The following TLE1 variants were observed in gnomAD, a reference collection of about 807,000 sequenced individuals.
TLE1 encodes TLE family member 1, transcriptional corepressor, also known as transducin-like enhancer protein 1.
A neutral mutation model predicts 89.8 loss-of-function variants in TLE1; 21 were observed. The ratio of observed to expected loss-of-function variants is 0.23; its 90% CI spans 0.17 to 0.34. TLE1 has a LOEUF of 0.34. Ranked by LOEUF, TLE1 falls within the 10% of genes least tolerant of loss-of-function variation. TLE1 has a pLI of 1.00. For missense variants in TLE1, 795 were observed against 1,031.2 expected (o/e 0.77, Z 3.14); for synonymous variants, 447 against 407.6 (o/e 1.10, Z -1.16).
intron 14 of TLE1, among the ~76,000 whole-genome samples, chr9:81,600,645 A>G (rs1039538003): frequency 1.4e-5 from 2 of 141,790 alleles, no homozygotes; most frequent in Admixed American, 7.0e-5. Flanking sequence ...AAAAAAAAAA[A>G]CCTACCCAAA....
chr9:81,657,608 A>T (rs563545275), intron 4 of TLE1, among the ~76,000 whole-genome samples: 1 of 152,296 alleles, frequency 6.6e-6, no homozygotes, highest in African/African-American at 2.4e-5. Context: ...AGTTATCAAA[A>T]ATAAAATAAA....
intron 4 of TLE1, among the ~76,000 whole-genome samples, chr9:81,655,192 C>A (rs778338864): frequency 2.0e-5 from 3 of 151,866 alleles, no homozygotes; most frequent in Non-Finnish European, 2.9e-5. Flanking sequence ...GGTGAAACCC[C>A]GTCTCTACTC....
In TLE1 at chr9:81,670,419, G is replaced by A. The variant is rs1231631435; in HGVS notation, c.234+15257C>T. Among the ~76,000 whole-genome samples, 9 of 152,082 alleles carry A rather than the reference G, an allele frequency of 5.9e-5. No individual in the cohort carries two copies. The East Asian group carries it at 9.7e-4, about 16-fold the overall frequency. On this transcript the variant is annotated intron_variant, in intron 4 of 19. Coordinates refer to ENST00000376499, the MANE Select transcript of TLE1 (RefSeq NM_005077.5). ...TGGCTCACTGCAACCTCCGCCTCCC[G>A]GGCTCAAGTGATTCTTCTGCCTCAG...
intron 6 of TLE1, among the ~76,000 whole-genome samples, chr9:81,636,397 C>T (rs982047854): frequency 3.7e-5 from 5 of 133,446 alleles, no homozygotes; most frequent in Non-Finnish European, 7.6e-5. Flanking sequence ...GACTGCCCTA[C>T]CAGCAATTAC....
At chr9:81,652,122 C>CAT in intron 6 of TLE1, 92 bp downstream of exon 6, 1 of 1,249,566 alleles carries the variant, frequency 8.0e-7, no homozygotes. Flanking sequence ...CACACACACA[C>CAT]ACACACACAC....
Position 81,611,840 on chromosome 9 carries a change from G to A in TLE1, c.1183C>T (p.His395Tyr). ...TSPGAAYASL[H>Y]NMSPQMSAAA... Reference sequence around the variant, plus strand: ...GCGCTCATCTGGGGCGACATGTTGTGTAAACTGGCGTAGGCAGCGCCTGGG... The same window carrying A: ...GCGCTCATCTGGGGCGACATGTTGTATAAACTGGCGTAGGCAGCGCCTGGG... Residue 395 changes from histidine to tyrosine, a missense_variant, in exon 13 of 20, where the codon CAC becomes TAC. Physicochemically the swap from His to Tyr is moderately conservative, Grantham distance 83. This residue lies in a region of TLE1 where 468 missense variants were observed against 509.1 expected (regional missense o/e 0.92). Coordinates refer to ENST00000376499, the MANE Select transcript of TLE1 (RefSeq NM_005077.5). 6.4e-7 allele frequency: 1 copy of A among 1,561,476 alleles called. No individual in the cohort carries two copies.
intron 14 of TLE1, among the ~76,000 whole-genome samples, chr9:81,596,699 C>T (rs554957220): frequency 3.5e-4 from 53 of 152,224 alleles, no homozygotes; most frequent in Admixed American, 1.6e-3. Flanking sequence ...TGGAAATGAC[C>T]GCATTTCTAG....
Position 81,615,519 on chromosome 9 carries a change from C to G in TLE1, c.918+463G>C, listed in dbSNP as rs1324948526. Among the ~76,000 whole-genome samples the G allele has an allele frequency of 5.3e-5, 6 of 113,758 alleles. No individual in the cohort carries two copies. In the Admixed American group the frequency reaches 5.9e-4, roughly 11 times the overall value. 74.6% of individuals were successfully genotyped at this position (113,758 alleles called of 152,430 possible). The stretch of plus-strand genomic sequence containing the variant: ...TTCAAGACCAGCCTGACAAACATGG[C>G]AAAACCCCATCTCTACTAAAAATAC... On this transcript the variant is annotated intron_variant, in intron 11 of 19. Transcript: ENST00000376499.
chr9:81,602,094 G>A (rs1249356165), intron 14 of TLE1, among the ~76,000 whole-genome samples: 1 of 152,160 alleles, frequency 6.6e-6, no homozygotes, highest in Non-Finnish European at 1.5e-5. Context: ...TCATGAAGGA[G>A]GTAGCAACTC....
chr9:81,612,824 G>A (rs1425802793), intron 12 of TLE1, among the ~76,000 whole-genome samples: 2 of 152,196 alleles, frequency 1.3e-5, no homozygotes, highest in South Asian at 4.1e-4. Context: ...TTGGGAGGCC[G>A]AGATGGGCAG....
At chr9:81,656,391 C>T (rs551400796) in intron 4 of TLE1, among the ~76,000 whole-genome samples, 1 of 152,356 alleles carries the variant, frequency 6.6e-6, no homozygotes, top group African/African-American at 2.4e-5. Context: ...ATTCCTGCAA[C>T]ACTCTGTACA....
Position 81,659,964 on chromosome 9 carries a change from A to G in TLE1, c.235-5928T>C, listed in dbSNP as rs139215768. On this transcript the variant is annotated intron_variant, in intron 4 of 19. Coordinates refer to ENST00000376499, the MANE Select transcript of TLE1 (RefSeq NM_005077.5). ...AAGCTGCCTTTCCCCCATAACGCCAATAAACGCACTCTTCTCTAGGCCCTT... is the reference window on the plus strand; with the variant it reads ...AAGCTGCCTTTCCCCCATAACGCCAGTAAACGCACTCTTCTCTAGGCCCTT... 2.1e-3 allele frequency among the ~76,000 whole-genome samples: 322 copies of G among 152,248 alleles called. 1 individual carries two copies. The highest frequency in any genetic ancestry group is 7.3e-3 in the Admixed American group (112 of 15,280).
chr9:81,639,588 G>GTTTTTTTTTTTTT (rs374444332), intron 6 of TLE1, among the ~76,000 whole-genome samples: 1 of 123,458 alleles, frequency 8.1e-6, no homozygotes, highest in Non-Finnish European at 1.7e-5. Context: ...TTTTTTTTTT[G>GTTTTTTTTTTTTT]TTTTTTTTTT....
At position 81,685,727 on chromosome 9, in the gene TLE1, A is replaced by G. The variant is rs774762475; in HGVS notation, c.190-7T>C. The G allele has an allele frequency of 5.6e-6, 9 of 1,613,248 alleles. No individual in the cohort carries two copies. In the African/African-American group the frequency reaches 1.1e-4, roughly 19 times the overall value. On this transcript the variant is annotated splice_region_variant and splice_polypyrimidine_tract_variant and intron_variant, in intron 3 of 19. Coordinates refer to ENST00000376499, the MANE Select transcript of TLE1 (RefSeq NM_005077.5). ...CATATGACATTTCATAATACTGTAA[A>G]GAGAAAAAAGAATCAAGCATTTCAT...
intron 15 of TLE1, among the ~76,000 whole-genome samples, chr9:81,592,166 G>A (rs933157715): frequency 6.6e-6 from 1 of 152,188 alleles, no homozygotes; most frequent in African/African-American, 2.4e-5. Context: ...AGACCATTCT[G>A]GCTAACATGG....
At chr9:81,637,582 C>T (rs1055492579) in intron 6 of TLE1, among the ~76,000 whole-genome samples, 7 of 151,920 alleles carry the variant, frequency 4.6e-5, no homozygotes, top group Middle Eastern at 3.4e-3. Flanking sequence ...ACAAACAGCT[C>T]ACTGTCTGTT....
At chr9:81,607,165 C>T (rs1412496054) in intron 14 of TLE1, among the ~76,000 whole-genome samples, 15 of 152,086 alleles carry the variant, frequency 9.9e-5, no homozygotes, top group Admixed American at 7.9e-4. Flanking sequence ...AAAAGTACCC[C>T]GACATAGTAT....
intron 6 of TLE1, among the ~76,000 whole-genome samples, chr9:81,650,502 CTACAAG>C (rs1315058519): frequency 6.6e-6 from 1 of 152,192 alleles, no homozygotes; most frequent in Non-Finnish European, 1.5e-5. Context: ...TGTGCTTGAG[CTACAAG>C]TACAATTCAC....
chr9:81,688,122 C>CCGCCGGGCTCT, intron 1 of TLE1, 95 bp downstream of exon 1: 1 of 1,508,118 alleles, frequency 6.6e-7, no homozygotes, highest in Non-Finnish European at 9.1e-7. Context: ...GCGAGAAGGT[C>CCGCCGGGCTCT]CGCCGGGCCT....
Sources: gnomAD v4.1 joint callset for allele counts (sites outside exome capture counted in the v4.1 genomes callset) on GRCh38, gnomAD v4.1.1 for gene constraint, gnomAD v4.1.1 regional missense constraint, MANE v1.5 for transcripts, NCBI Gene and HGNC (gene_info 2026-07-23, HGNC 2026-07-21) for gene names.